Variants in MACF1 observed in about 807,000 individuals in gnomAD.
The protein encoded by MACF1 is microtubule-actin cross-linking factor 1.
In MACF1, 193 loss-of-function variants were observed where a neutral mutation model predicts 854.8. The ratio of observed to expected loss-of-function variants is 0.23; its 90% CI spans 0.20 to 0.25. The LOEUF (loss-of-function observed/expected upper bound fraction) is 0.25. Among genes scored for constraint, MACF1 ranks in the 10% least tolerant of loss-of-function variants. The pLI, the probability that MACF1 is intolerant of heterozygous loss-of-function variation, is 1.00. For synonymous variants in MACF1, 3,185 were observed against 3,226.7 expected, an observed-to-expected ratio of 0.99 and a Z score of 0.44; for missense variants, 7,722 against 8,929.1, an observed-to-expected ratio of 0.86 and a Z score of 5.45.
Position 39,429,863 on chromosome 1 carries a change from G to A in MACF1, c.16925G>A (p.Gly5642Asp), listed in dbSNP as rs148290248. The A allele has an allele frequency of 4.6e-4, 742 of 1,614,066 alleles. 1 individual carries two copies. The highest frequency in any genetic ancestry group is 8.3e-4 in the Middle Eastern group (5 of 6,060). The change falls in exon 65 of 101, where the codon GGT becomes GAT. Residue 5642 changes from glycine to aspartate, a missense_variant. Transcript: ENST00000564288. The part of the protein sequence containing the change: ...EVLLIQEKLD[G>D]IKTRYADITV... ...TTACTTATCCAGGAAAAACTAGATG[G>A]TATAAAGACTCGTTACGCAGACATC... is the stretch of plus-strand genomic sequence containing the variant.
chr1:39,194,252 TAGGA>T (rs1262292044), intron 2 of MACF1, among the ~76,000 whole-genome samples: 1 of 151,948 alleles, frequency 6.6e-6, no homozygotes, highest in African/African-American at 2.4e-5. Context: ...CTGAGCTTGA[TAGGA>T]AGGCCATCTA....
intron 2 of MACF1, among the ~76,000 whole-genome samples, chr1:39,176,482 C>T (rs1434842935): frequency 6.6e-6 from 1 of 152,124 alleles, no homozygotes; most frequent in African/African-American, 2.4e-5. Context: ...GTAATCATAG[C>T]TTCCACTCTC....
chr1:39,354,025 G>A (rs1047101861), intron 44 of MACF1, among the ~76,000 whole-genome samples: 1 of 152,046 alleles, frequency 6.6e-6, no homozygotes, highest in Non-Finnish European at 1.5e-5. Flanking sequence ...TCCTTGCTTA[G>A]CCCTTTTTAT....
Position 39,428,248 on chromosome 1 carries a change from C to T in MACF1, c.16764C>T (p.Phe5588=). Reference sequence around the variant, plus strand: ...TCAGTTCAGTGTTCGTAAAGGATTTCAAACAGGATGTCCTGCACAGGCAGC... The same window carrying T: ...TCAGTTCAGTGTTCGTAAAGGATTTTAAACAGGATGTCCTGCACAGGCAGC... The part of the protein sequence containing the change: ...DKLSSVFVKD[F]KQDVLHRQHA... The change falls in exon 63 of 101, where the codon TTC becomes TTT. Residue 5588 remains phenylalanine, a synonymous_variant. Transcript: ENST00000564288. 1 of 1,613,638 alleles carries T rather than the reference C, an allele frequency of 6.2e-7. No individual in the cohort carries two copies. Among genetic ancestry groups the T allele is most frequent in the Non-Finnish European group, 8.5e-7 (1 of 1,179,784 alleles).
intron 58 of MACF1, chr1:39,413,852 CT>C: frequency 6.2e-7 from 1 of 1,611,062 alleles, no homozygotes. Flanking sequence ...GAGGAACCCA[CT>C]TCCCCGGCAG....
At chr1:39,132,759 G>C (rs1034555521) in intron 2 of MACF1, among the ~76,000 whole-genome samples, 1 of 152,108 alleles carries the variant, frequency 6.6e-6, no homozygotes, top group Non-Finnish European at 1.5e-5. Context: ...TTTGATGTGT[G>C]GGGGGTGGGA....
intron 6 of MACF1, among the ~76,000 whole-genome samples, chr1:39,278,014 A>G (rs958759506): frequency 1.3e-5 from 2 of 152,250 alleles, no homozygotes; most frequent in Non-Finnish European, 2.9e-5. Flanking sequence ...CAGAGAAGCA[A>G]TTAACCAAGC....
At chr1:39,272,361 C>T (rs1046020516) in intron 6 of MACF1, among the ~76,000 whole-genome samples, 15 of 152,150 alleles carry the variant, frequency 9.9e-5, no homozygotes, top group Non-Finnish European at 1.6e-4. Flanking sequence ...GAGAGGGCAA[C>T]GCATACTGAA....
chr1:39,361,438 G>A lies in MACF1; in HGVS notation c.12532G>A (p.Ala4178Thr), dbSNP rs766827571. The change falls in exon 49 of 101, where the codon GCA (alanine) becomes ACA (threonine). Residue 4178 changes from alanine (A) to threonine (T), a missense_variant. By Grantham distance (58) the Ala-to-Thr change is moderately conservative. Coordinates refer to ENST00000564288, the MANE Select transcript of MACF1 (RefSeq NM_001394062.1). ...GATGGTGACCCGATTCATGGAGACA[G>A]CAGACAGTACTACAGCAGCAGTGCT... ...REMVTRFMET[A>T]DSTTAAVLQG... 37 of 1,614,064 alleles carry A rather than the reference G, an allele frequency of 2.3e-5. No individual in the cohort carries two copies. Among genetic ancestry groups the A allele is most frequent in the Admixed American group, 1.5e-4 (9 of 60,000 alleles).
At chr1:39,280,437 A>G (rs866103431) in intron 6 of MACF1, among the ~76,000 whole-genome samples, 25 of 152,274 alleles carry the variant, frequency 1.6e-4, no homozygotes, top group Middle Eastern at 3.4e-3. Flanking sequence ...GCTCTCCCAC[A>G]TAGGGTTTGC....
At chr1:39,088,385 G>A (rs910479055) in intron 2 of MACF1, among the ~76,000 whole-genome samples, 19 of 152,136 alleles carry the variant, frequency 1.2e-4, no homozygotes, top group Admixed American at 9.2e-4. Flanking sequence ...CACCGCACCC[G>A]GCCCTGTACA....
rs1387509578 is a variant in MACF1 at position 39,314,565 on chromosome 1, T to TCACACACA, written c.3271-947_3271-946insACACACAC. 3.5e-4 allele frequency among the ~76,000 whole-genome samples: 18 copies of TCACACACA among 51,784 alleles called. No homozygotes were observed. The East Asian group carries it at 8.1e-3, about 23-fold the overall frequency. 34.0% of individuals were successfully genotyped at this position (51,784 alleles called of 152,430 possible). A position where few individuals can be genotyped will look rare whatever the true frequency, so the allele number is the denominator to read the frequency against. On this transcript the variant is annotated intron_variant, in intron 26 of 100. Transcript: ENST00000564288. Reference sequence around the variant, plus strand: ...ATTTCTCTTTCTCTCTCTCTCTCTCTCTCTCACACACACACACACACACAC... The same window carrying TCACACACA: ...ATTTCTCTTTCTCTCTCTCTCTCTCTCACACACACTCTCACACACACACACACACACAC...
chr1:39,138,802 T>C, intron 2 of MACF1, among the ~76,000 whole-genome samples: 1 of 151,834 alleles, frequency 6.6e-6, no homozygotes, highest in Non-Finnish European at 1.5e-5. Flanking sequence ...GTAGCTGGGA[T>C]TACAGGTGAG....
chr1:39,411,394 G>T (rs1264005146), intron 58 of MACF1: 1 of 1,613,990 alleles, frequency 6.2e-7, no homozygotes, highest in East Asian at 2.2e-5. Flanking sequence ...GGATGGATCC[G>T]ATTGCTTAGC....
intron 2 of MACF1, among the ~76,000 whole-genome samples, chr1:39,114,258 T>A (rs1390974243): frequency 6.6e-6 from 1 of 151,266 alleles, no homozygotes; most frequent in East Asian, 1.9e-4. Context: ...AAAATATAAA[T>A]CAGTTGGCTT....
chr1:39,158,615 A>G (rs1444386724), intron 2 of MACF1, among the ~76,000 whole-genome samples: 1 of 152,196 alleles, frequency 6.6e-6, no homozygotes, highest in Non-Finnish European at 1.5e-5. Flanking sequence ...AGTTTAAGCA[A>G]GAGGAGCAGT....
At chr1:39,426,816 G>A (rs1020040783) in intron 61 of MACF1, among the ~76,000 whole-genome samples, 14 of 151,866 alleles carry the variant, frequency 9.2e-5, no homozygotes, top group Admixed American at 2.6e-4. Flanking sequence ...TTCAGCCAGC[G>A]TGAGGTTTTT....
chr1:39,439,234 C>G, intron 71 of MACF1, 40 bp from the exon 72 acceptor site: 2 of 1,277,360 alleles, frequency 1.6e-6, no homozygotes, highest in Non-Finnish European at 1.1e-6. Flanking sequence ...TCAGGCTCTT[C>G]AGAAAGTCCT....
intron 2 of MACF1, among the ~76,000 whole-genome samples, chr1:39,190,395 G>GTTGTTTT (rs1644237768): frequency 3.8e-5 from 3 of 79,040 alleles, no homozygotes; most frequent in Non-Finnish European, 7.1e-5. Context: ...GTGTGTGTTT[G>GTTGTTTT]TTTTTGTTTT....
Sources: allele counts gnomAD v4.1 joint callset (sites outside exome capture counted in the v4.1 genomes callset), GRCh38; gene constraint gnomAD v4.1.1; transcripts MANE v1.5; gene names NCBI Gene and HGNC (gene_info 2026-07-23, HGNC 2026-07-21).